Variants in NCALD observed in about 807,000 individuals in gnomAD.
NCALD encodes the protein neurocalcin delta, also known as neurocalcin-delta.
Under a neutral mutation model 18.6 loss-of-function variants are expected in NCALD, and 10 were observed. That is an observed-to-expected ratio of 0.54 (90% CI 0.33 to 0.91). NCALD has a LOEUF of 0.91. Among genes scored for constraint, NCALD ranks in the 40% least tolerant of loss-of-function variants. NCALD has a pLI of 0.03. For synonymous variants in NCALD, 88 were observed against 87.4 expected (o/e 1.01, Z -0.04); for missense variants, 184 against 247.6 (o/e 0.74, Z 1.72).
At chr8:101,919,904 A>AGAAAAGG (rs1818104008) in intron 2 of NCALD, among the ~76,000 whole-genome samples, 1 of 152,174 alleles carries the variant, frequency 6.6e-6, no homozygotes, top group Admixed American at 6.5e-5. Flanking sequence ...GAGGCTACAA[A>AGAAAAGG]GAAAAGGGAA....
At chr8:101,737,186 G>A (rs529485533) in intron 1 of NCALD, among the ~76,000 whole-genome samples, 45 of 151,958 alleles carry the variant, frequency 3.0e-4, no homozygotes, top group Admixed American at 2.3e-3. Flanking sequence ...TGGCGCCATC[G>A]TGGCTCACCA....
intron 1 of NCALD, among the ~76,000 whole-genome samples, chr8:102,069,460 G>C (rs1211997215): frequency 6.6e-6 from 1 of 152,140 alleles, no homozygotes; most frequent in Non-Finnish European, 1.5e-5. Flanking sequence ...ATTTTCTGCA[G>C]GAATGTTTTG....
chr8:102,022,084 G>A (rs775352928), intron 1 of NCALD, among the ~76,000 whole-genome samples: 1 of 152,254 alleles, frequency 6.6e-6, no homozygotes, highest in African/African-American at 2.4e-5. Context: ...GCGTGAACAG[G>A]GTTAAGGGAA....
chr8:101,853,638 G>C (rs1815187248), intron 4 of NCALD, among the ~76,000 whole-genome samples: 1 of 152,190 alleles, frequency 6.6e-6, no homozygotes. Flanking sequence ...TTCTAATTTG[G>C]AGTGAACTAA....
At chr8:101,884,647 G>T (rs1239363902) in intron 4 of NCALD, among the ~76,000 whole-genome samples, 1 of 152,154 alleles carries the variant, frequency 6.6e-6, no homozygotes, top group Non-Finnish European at 1.5e-5. Flanking sequence ...TTGCAAAATT[G>T]CTGGGAAATA....
chr8:102,061,580 G>A (rs1405333701), intron 1 of NCALD, among the ~76,000 whole-genome samples: 2 of 151,908 alleles, frequency 1.3e-5, no homozygotes. Context: ...TTTCAGCCCT[G>A]CTCTCCATGA....
chr8:101,899,935 G>C (rs532809159), intron 3 of NCALD, among the ~76,000 whole-genome samples: 6 of 151,964 alleles, frequency 3.9e-5, no homozygotes, highest in African/African-American at 1.4e-4. Flanking sequence ...AGAGGTTGTA[G>C]AGAATTGGTA....
chr8:101,902,034 AC>A (rs1817444659), intron 3 of NCALD, among the ~76,000 whole-genome samples: 1 of 151,894 alleles, frequency 6.6e-6, no homozygotes, highest in South Asian at 2.1e-4. Context: ...CAAGTGATCC[AC>A]CCACCTCAGC....
intron 2 of NCALD, among the ~76,000 whole-genome samples, chr8:101,974,183 A>G (rs895071803): frequency 6.6e-5 from 10 of 152,192 alleles, no homozygotes; most frequent in African/African-American, 2.4e-4. Context: ...TTTCCACTTT[A>G]CCAATTTCCC....
intron 1 of NCALD, among the ~76,000 whole-genome samples, chr8:101,723,281 A>T (rs1392677294): frequency 6.6e-6 from 1 of 152,202 alleles, no homozygotes; most frequent in Non-Finnish European, 1.5e-5. Context: ...AGTTAATTGC[A>T]GTATTATTTC....
At chr8:101,979,381 A>G (rs1452202030) in intron 2 of NCALD, among the ~76,000 whole-genome samples, 1 of 152,224 alleles carries the variant, frequency 6.6e-6, no homozygotes, top group South Asian at 2.1e-4. Flanking sequence ...CTGGGGACAG[A>G]GTAATGAACA....
intron 2 of NCALD, among the ~76,000 whole-genome samples, chr8:101,697,330 G>A (rs1467354355): frequency 6.6e-6 from 1 of 152,116 alleles, no homozygotes; most frequent in Non-Finnish European, 1.5e-5. Flanking sequence ...AAAAGCCCAG[G>A]ACCAGATGGA....
rs184165170 is a variant in NCALD, at chr8:101,689,683, A to C, written c.485-277T>G. ...CTGTGTGCCCGGCCCTGGGCCCGGG[A>C]CTGGGGAGAGGGTGGTGGATGATGC... On this transcript the variant is annotated intron_variant, in intron 3 of 3. Coordinates refer to ENST00000220931, the MANE Select transcript of NCALD (RefSeq NM_032041.3). This position sits in a 1 kb window ranked among gnomAD's most constrained non-coding sequence, Gnocchi z 4.4. Among the ~76,000 whole-genome samples the C allele has an allele frequency of 6.6e-6, 1 of 152,228 alleles. No homozygotes were observed. Among genetic ancestry groups the C allele is most frequent in the East Asian group, 1.9e-4 (1 of 5,170 alleles).
chr8:101,797,662 A>G (rs912398372), intron 4 of NCALD, among the ~76,000 whole-genome samples: 1 of 152,080 alleles, frequency 6.6e-6, no homozygotes, highest in Non-Finnish European at 1.5e-5. Flanking sequence ...CTAAAAATAC[A>G]AAAATTAGCT....
chr8:101,808,142 G>A lies in NCALD; in HGVS notation c.-20+78999C>T, dbSNP rs560311243. On this transcript the variant is annotated intron_variant, in intron 4 of 6. Transcript: ENST00000311028. ...CTGTTAAGAAATAACAGATTTCACA[G>A]GCTCTAGAAGATACCTTAGTGGTCA... Among the ~76,000 whole-genome samples the A allele has an allele frequency of 1.9e-4, 29 of 152,246 alleles. No homozygotes were observed. In the South Asian group the frequency reaches 5.2e-3, roughly 27 times the overall value.
intron 4 of NCALD, among the ~76,000 whole-genome samples, chr8:101,829,895 T>C (rs545862827): frequency 1.4e-4 from 21 of 152,274 alleles, no homozygotes; most frequent in African/African-American, 5.1e-4. Flanking sequence ...TGGCATTTTG[T>C]TTGTTATTAT....
chr8:101,907,452 A>G (rs929222867), intron 3 of NCALD, among the ~76,000 whole-genome samples: 1 of 151,864 alleles, frequency 6.6e-6, no homozygotes, highest in African/African-American at 2.4e-5. Flanking sequence ...TTAAATGGAG[A>G]CAATAAAATA....
intron 2 of NCALD, among the ~76,000 whole-genome samples, chr8:101,697,523 GA>G (rs1433347497): frequency 6.6e-6 from 1 of 152,136 alleles, no homozygotes; most frequent in Non-Finnish European, 1.5e-5. Flanking sequence ...TATCCTTGAA[GA>G]ACATCGATGG....
chr8:102,067,925 A>T (rs1824060104), intron 1 of NCALD, among the ~76,000 whole-genome samples: 1 of 152,154 alleles, frequency 6.6e-6, no homozygotes, highest in Non-Finnish European at 1.5e-5. Context: ...ACAATGCCAG[A>T]ACTCTTTTCT....
Sources: allele counts gnomAD v4.1 joint callset (sites outside exome capture counted in the v4.1 genomes callset), GRCh38; gene constraint gnomAD v4.1.1; non-coding constraint Gnocchi (gnomAD v3.1); transcripts MANE v1.5; gene names NCBI Gene and HGNC (gene_info 2026-07-23, HGNC 2026-07-21).